The following PGM5 variants were observed in gnomAD, a reference collection of about 807,000 sequenced individuals.
PGM5 encodes the protein phosphoglucomutase 5, also known as phosphoglucomutase-like protein 5.
PGM5 carries 23 observed loss-of-function variants against 59.2 expected under a neutral mutation model. That is an observed-to-expected ratio of 0.39 (90% CI 0.28 to 0.55). The LOEUF (loss-of-function observed/expected upper bound fraction) is 0.55. Among genes scored for constraint, PGM5 ranks in the 20% least tolerant of loss-of-function variants. The probability of loss-of-function intolerance (pLI) is 0.66; values close to 1 mark genes in which losing one functional copy is unlikely to be tolerated. For missense variants in PGM5, 574 were observed against 748.3 expected (o/e 0.77, Z 2.72); for synonymous variants, 214 against 286.0 (o/e 0.75, Z 2.54).
intron 6 of PGM5, among the ~76,000 whole-genome samples, chr9:68,451,504 A>G (rs1823695567): frequency 6.6e-6 from 1 of 152,246 alleles, no homozygotes; most frequent in African/African-American, 2.4e-5. Context: ...GTAGATTTTT[A>G]TGTGAGATGT....
chr9:68,410,169 C>G (rs1822902027), intron 6 of PGM5, among the ~76,000 whole-genome samples: 1 of 152,206 alleles, frequency 6.6e-6, no homozygotes. Context: ...GGGCAAAGGA[C>G]TACACTATCT....
Position 68,479,554 on chromosome 9 carries a change from G to A in PGM5, c.1295+1G>A. ...AATTTGGCCGCCACTACTATTGCAG[G>A]TGAGGAGAAGGGGAAGGGTCTCTGT... On this transcript the variant is annotated splice_donor_variant, in intron 8 of 10. Transcript: ENST00000396396. LOFTEE classifies it high-confidence loss of function. The A allele has an allele frequency of 6.2e-7, 1 of 1,613,844 alleles. No homozygotes were observed. The highest frequency in any genetic ancestry group is 8.5e-7 in the Non-Finnish European group (1 of 1,179,828).
chr9:68,485,294 A>G (rs1162983092), intron 9 of PGM5, among the ~76,000 whole-genome samples: 4 of 151,564 alleles, frequency 2.6e-5, no homozygotes, highest in Non-Finnish European at 5.9e-5. Flanking sequence ...GTTGGTTTTC[A>G]TTTTTACACT....
At chr9:68,494,143 G>A (rs1186869708) in intron 9 of PGM5, among the ~76,000 whole-genome samples, 4 of 151,924 alleles carry the variant, frequency 2.6e-5, no homozygotes, top group East Asian at 1.9e-4. Context: ...TGGATATTCC[G>A]GCTACTCTAG....
intron 7 of PGM5, among the ~76,000 whole-genome samples, chr9:68,467,812 G>A (rs1823957406): frequency 6.6e-6 from 1 of 151,750 alleles, no homozygotes; most frequent in African/African-American, 2.4e-5. Flanking sequence ...TTTATATGAA[G>A]AGAAGCTATT....
intron 6 of PGM5, among the ~76,000 whole-genome samples, chr9:68,420,539 A>G (rs567484998): frequency 3.3e-5 from 5 of 152,314 alleles, no homozygotes; most frequent in South Asian, 2.1e-4. Context: ...ACTGTCACGT[A>G]CTATACAAAT....
intron 1 of PGM5, among the ~76,000 whole-genome samples, chr9:68,372,909 A>G (rs1219929539): frequency 1.3e-5 from 2 of 152,202 alleles, no homozygotes; most frequent in South Asian, 2.1e-4. Flanking sequence ...CTTATCGTCA[A>G]GGGCATGGTG....
intron 6 of PGM5, among the ~76,000 whole-genome samples, chr9:68,419,035 C>T (rs1823084444): frequency 6.6e-6 from 1 of 152,080 alleles, no homozygotes; most frequent in African/African-American, 2.4e-5. Context: ...TGCGCCCCTG[C>T]CCCAAAGTAT....
rs143114339 is a variant in PGM5, at chr9:68,408,284, G to A, written c.1043+15811G>A. Among the ~76,000 whole-genome samples the A allele has an allele frequency of 2.2e-3, 335 of 152,366 alleles. 1 individual carries two copies. The highest frequency in any genetic ancestry group is 7.5e-3 in the African/African-American group (311 of 41,598). ...GATCACAGAGCAGAGGCTGGGGTGT[G>A]GCTGCAGGTAGGCATGCCATTGAGC... On this transcript the variant is annotated intron_variant, in intron 6 of 10. Coordinates refer to ENST00000396396, the MANE Select transcript of PGM5 (RefSeq NM_021965.4).
At chr9:68,466,355 G>A in intron 7 of PGM5, 1 of 321,340 alleles carries the variant, frequency 3.1e-6, no homozygotes, top group Middle Eastern at 8.0e-4. Flanking sequence ...TTATGTAATT[G>A]TTTATCTTTT....
chr9:68,360,214 A>G (rs1313190166), intron 1 of PGM5, among the ~76,000 whole-genome samples: 1 of 152,130 alleles, frequency 6.6e-6, no homozygotes, highest in Non-Finnish European at 1.5e-5. Context: ...CATTTCTAAA[A>G]TGATGAACTA....
intron 6 of PGM5, among the ~76,000 whole-genome samples, chr9:68,420,980 A>T (rs1823119063): frequency 6.6e-6 from 1 of 152,158 alleles, no homozygotes; most frequent in East Asian, 1.9e-4. Flanking sequence ...GTAACTTGGG[A>T]TGTATGCTTT....
At chr9:68,390,716 T>C (rs1256805238) in intron 4 of PGM5, among the ~76,000 whole-genome samples, 4 of 152,184 alleles carry the variant, frequency 2.6e-5, no homozygotes, top group African/African-American at 9.6e-5. Context: ...TAATGTTCCT[T>C]CGATTTAGAT....
chr9:68,468,164 T>C (rs1554685986), intron 7 of PGM5, among the ~76,000 whole-genome samples: 1 of 151,850 alleles, frequency 6.6e-6, no homozygotes, highest in African/African-American at 2.4e-5. Flanking sequence ...TTGTCGTTTC[T>C]GCTCCTCTCC....
chr9:68,489,231 C>G (rs187257706), intron 9 of PGM5, among the ~76,000 whole-genome samples: 2 of 152,168 alleles, frequency 1.3e-5, no homozygotes, highest in African/African-American at 4.8e-5. Context: ...ATACTCCAAT[C>G]CTGGTATTGT....
At chr9:68,491,748 T>A (rs920845512) in intron 9 of PGM5, among the ~76,000 whole-genome samples, 3 of 152,154 alleles carry the variant, frequency 2.0e-5, no homozygotes, top group African/African-American at 7.2e-5. Context: ...ATGCCTGTAG[T>A]CCCAGCTACT....
chr9:68,466,126 G>C, intron 7 of PGM5: 2 of 1,295,156 alleles, frequency 1.5e-6, no homozygotes, highest in South Asian at 1.3e-5. Flanking sequence ...TCATTTTTCT[G>C]ATTTATTTCT....
At chr9:68,436,558 T>C (rs1554683389) in intron 6 of PGM5, among the ~76,000 whole-genome samples, 3 of 152,178 alleles carry the variant, frequency 2.0e-5, no homozygotes, top group African/African-American at 7.2e-5. Context: ...AACATGAGGC[T>C]TTTTCTCTTT....
chr9:68,438,315 ATAG>A (rs1823472341), intron 6 of PGM5, among the ~76,000 whole-genome samples: 3 of 146,316 alleles, frequency 2.1e-5, no homozygotes, highest in Non-Finnish European at 3.0e-5. Flanking sequence ...AAAAAAAAAG[ATAG>A]AATCTGAGCG....
Sources: gnomAD v4.1 joint callset for allele counts (sites outside exome capture counted in the v4.1 genomes callset) on GRCh38, gnomAD v4.1.1 for gene constraint, MANE v1.5 for transcripts, NCBI Gene and HGNC (gene_info 2026-07-23, HGNC 2026-07-21) for gene names.